The following BAIAP2 variants were observed in gnomAD, a reference collection of about 807,000 sequenced individuals.
BAIAP2 encodes BAR/IMD domain-containing adapter protein 2.
In BAIAP2, 18 loss-of-function variants were observed where a neutral mutation model predicts 63.0. The observed-to-expected ratio is 0.29, with a 90% confidence interval of 0.20 to 0.42. The LOEUF (loss-of-function observed/expected upper bound fraction) is 0.42. Among genes scored for constraint, BAIAP2 ranks in the 10% least tolerant of loss-of-function variants. The pLI, the probability that BAIAP2 is intolerant of heterozygous loss-of-function variation, is 1.00. For synonymous variants in BAIAP2, 386 were observed against 307.6 expected (o/e 1.25, Z -2.67); for missense variants, 610 against 734.3 (o/e 0.83, Z 1.96).
intron 4 of BAIAP2, chr17:81,085,324 G>A (rs1343432518): frequency 3.7e-6 from 2 of 538,090 alleles, no homozygotes; most frequent in Middle Eastern, 2.8e-4. Flanking sequence ...GTCAGTTCAG[G>A]CCCATGGGCC....
intron 13 of BAIAP2, chr17:81,109,566 G>A (rs1015869718): frequency 3.1e-5 from 31 of 985,258 alleles, no homozygotes; most frequent in Non-Finnish European, 1.2e-5. Context: ...CTGTGGAGGG[G>A]TGCACAGAGA....
chr17:81,041,585 G>GT lies in BAIAP2; in HGVS notation c.54+6282dup, dbSNP rs543021626. Among the ~76,000 whole-genome samples the GT allele has an allele frequency of 3.1e-3, 472 of 152,044 alleles. 3 individuals carry two copies. The highest frequency in any genetic ancestry group is 0.011 in the African/African-American group (447 of 41,472). ...GTTTTTTCTGTTTTGTTTTTGTTTT[G>GT]TTTTTGGAGACGGAGTTTTGCTCTT... On this transcript the variant is annotated intron_variant, in intron 1 of 13. Transcript: ENST00000428708.
rs1379725529 is a variant in BAIAP2 at position 81,116,069 on chromosome 17, T to G, written c.*230T>G. 8.1e-6 allele frequency: 12 copies of G among 1,476,732 alleles called. No homozygotes were observed. The African/African-American group carries it at 1.1e-4, about 14-fold the overall frequency. The allele number at this position is 1,476,732 out of a possible 1,614,324, so 91.5% of individuals were successfully genotyped here. The stretch of plus-strand genomic sequence containing the variant: ...ACCCAGTGGCTGGGCTGCCCAGGGC[T>G]GAGGGGCCGCCTCTTGAGGGTACAC... On this transcript the variant is annotated 3_prime_UTR_variant, in exon 14 of 14. Transcript: ENST00000428708.
At chr17:81,080,220 T>A (rs1034634260) in intron 3 of BAIAP2, among the ~76,000 whole-genome samples, 16 of 152,226 alleles carry the variant, frequency 1.1e-4, no homozygotes, top group African/African-American at 3.6e-4. Context: ...CTGCACACAC[T>A]CATGCTCCCG....
chr17:81,072,633 G>A (rs989287970), intron 3 of BAIAP2, among the ~76,000 whole-genome samples: 2 of 152,204 alleles, frequency 1.3e-5, no homozygotes, highest in Admixed American at 6.5e-5. Flanking sequence ...ACCCAAGTCC[G>A]TGGGGTCTTC....
At chr17:81,106,263 G>T (rs894931495) in intron 11 of BAIAP2, 117 bp downstream of exon 11, 17 of 1,098,342 alleles carry the variant, frequency 1.5e-5, no homozygotes, top group South Asian at 1.2e-4. Flanking sequence ...GTCTGCTACC[G>T]CAGGGCCATC....
intron 3 of BAIAP2, among the ~76,000 whole-genome samples, chr17:81,079,621 C>T (rs1343857625): frequency 1.3e-5 from 2 of 152,168 alleles, no homozygotes; most frequent in African/African-American, 4.8e-5. Flanking sequence ...AACGCTGCTG[C>T]ACTCCCACAC....
chr17:81,060,778 C>T (rs907978269), intron 3 of BAIAP2, among the ~76,000 whole-genome samples: 5 of 152,168 alleles, frequency 3.3e-5, no homozygotes, highest in African/African-American at 7.2e-5. Flanking sequence ...GCGGCTCCCT[C>T]GGCTGCGTGT....
intron 2 of BAIAP2, among the ~76,000 whole-genome samples, chr17:81,054,547 A>G (rs922528321): frequency 6.6e-6 from 1 of 152,132 alleles, no homozygotes; most frequent in African/African-American, 2.4e-5. Flanking sequence ...TGTGGCATCT[A>G]GAGACGGGAG....
intron 3 of BAIAP2, among the ~76,000 whole-genome samples, chr17:81,079,413 G>A (rs1186882264): frequency 8.6e-5 from 13 of 152,008 alleles, no homozygotes; most frequent in Admixed American, 8.5e-4. Context: ...CACTCATCAC[G>A]GTGCATTGGT....
intron 6 of BAIAP2, among the ~76,000 whole-genome samples, chr17:81,099,142 A>ATCTTGCTGTCCCTGTGGACGCTGG (rs1555678295): frequency 4.1e-4 from 62 of 150,396 alleles, no homozygotes; most frequent in African/African-American, 1.4e-3. Flanking sequence ...TGTGGATCTG[A>ATCTTGCTGTCCCTGTGGACGCTGG]TCTTGCTGTC....
At chr17:81,098,295 C>G (rs1448415136) in intron 6 of BAIAP2, 1 of 913,066 alleles carries the variant, frequency 1.1e-6, no homozygotes, top group Non-Finnish European at 1.4e-6. Context: ...CGGCCGCCCT[C>G]AGCTTCTTCG....
intron 10 of BAIAP2, chr17:81,104,958 G>T (rs974350064): frequency 7.6e-6 from 3 of 395,814 alleles, no homozygotes; most frequent in African/African-American, 2.1e-5. Flanking sequence ...TCCCCTACAG[G>T]AGGGATCTCC....
At chr17:81,061,560 G>A (rs888535640) in intron 3 of BAIAP2, among the ~76,000 whole-genome samples, 5 of 152,188 alleles carry the variant, frequency 3.3e-5, no homozygotes, top group Non-Finnish European at 7.3e-5. Context: ...CCTCGGGTGT[G>A]CGTGGTTATT....
chr17:81,042,025 C>T (rs1038901816), intron 1 of BAIAP2, among the ~76,000 whole-genome samples: 18 of 152,150 alleles, frequency 1.2e-4, no homozygotes, highest in South Asian at 4.1e-4. Flanking sequence ...GCACCTGCCC[C>T]TGAGCCGTCA....
intron 13 of BAIAP2, chr17:81,109,680 G>C: frequency 1.0e-6 from 1 of 985,248 alleles, no homozygotes; most frequent in South Asian, 4.7e-5. Context: ...TGGACACTGC[G>C]GGCCAGGTGT....
At chr17:81,083,632 G>A (rs2055023871) in intron 3 of BAIAP2, 1 of 152,290 alleles carries the variant, frequency 6.6e-6, no homozygotes, top group Admixed American at 6.5e-5. Flanking sequence ...GTGGGTCTCG[G>A]GCTCTGCTGA....
intron 13 of BAIAP2, chr17:81,109,765 C>T (rs529951541): frequency 3.0e-6 from 3 of 985,364 alleles, no homozygotes; most frequent in Admixed American, 6.1e-5. Flanking sequence ...GCAGGCGCTG[C>T]CCAGCTGGCC....
intron 3 of BAIAP2, among the ~76,000 whole-genome samples, chr17:81,079,945 A>G (rs529914239): frequency 1.3e-5 from 2 of 152,134 alleles, no homozygotes; most frequent in Admixed American, 6.5e-5. Context: ...GTGTGGAGAG[A>G]TGAAGAGATG....
Sources: gnomAD v4.1 joint callset for allele counts (sites outside exome capture counted in the v4.1 genomes callset) on GRCh38, gnomAD v4.1.1 for gene constraint, MANE v1.5 for transcripts, NCBI Gene and HGNC (gene_info 2026-07-23, HGNC 2026-07-21) for gene names.